GRM7: variants seen among roughly 807,000 people sequenced by gnomAD.
GRM7 encodes glutamate metabotropic receptor 7, also known as metabotropic glutamate receptor 7.
A neutral mutation model predicts 84.5 loss-of-function variants in GRM7; 35 were observed. The ratio of observed to expected loss-of-function variants is 0.41; its 90% CI spans 0.32 to 0.55. The LOEUF is 0.55. GRM7 is among the 20% of genes least tolerant of loss of function. The pLI, the probability that GRM7 is intolerant of heterozygous loss-of-function variation, is 0.19. For synonymous variants in GRM7, 487 were observed against 455.1 expected (o/e 1.07, Z -0.89); for missense variants, 1,003 against 1,194.6 (o/e 0.84, Z 2.36).
chr3:7,675,092 T>C (rs1385590992), intron 8 of GRM7, among the ~76,000 whole-genome samples: 1 of 152,250 alleles, frequency 6.6e-6, no homozygotes, highest in African/African-American at 2.4e-5. Context: ...GATTCATTAG[T>C]ATTCATATAT....
At chr3:7,167,592 G>C (rs1315778543) in intron 2 of GRM7, among the ~76,000 whole-genome samples, 1 of 152,054 alleles carries the variant, frequency 6.6e-6, no homozygotes, top group Non-Finnish European at 1.5e-5. Context: ...TTTAGCAATG[G>C]GTCCTTCGGA....
At chr3:7,553,109 C>T (rs563559295) in intron 7 of GRM7, among the ~76,000 whole-genome samples, 6 of 152,128 alleles carry the variant, frequency 3.9e-5, no homozygotes, top group East Asian at 1.9e-4. Flanking sequence ...TTTCTTCTTC[C>T]GGATACTCTA....
intron 8 of GRM7, among the ~76,000 whole-genome samples, chr3:7,630,153 A>C (rs962968361): frequency 5.3e-5 from 8 of 152,224 alleles, no homozygotes; most frequent in Non-Finnish European, 1.0e-4. Context: ...TCAGATGACA[A>C]GAATGATTTC....
At chr3:7,391,770 A>G (rs1044205522) in intron 4 of GRM7, among the ~76,000 whole-genome samples, 2 of 132,078 alleles carry the variant, frequency 1.5e-5, no homozygotes, top group African/African-American at 2.5e-5. Flanking sequence ...CATGGAAAAA[A>G]AACAAGAGCT....
chr3:7,253,595 C>A (rs1698086507), intron 2 of GRM7, among the ~76,000 whole-genome samples: 1 of 131,960 alleles, frequency 7.6e-6, no homozygotes, highest in Non-Finnish European at 1.6e-5. Context: ...CCAGCCCAGG[C>A]AACAAGAGTG....
chr3:7,480,714 G>A (rs993367363), intron 7 of GRM7, among the ~76,000 whole-genome samples: 2 of 152,120 alleles, frequency 1.3e-5, no homozygotes, highest in Non-Finnish European at 2.9e-5. Context: ...GTTTAATGTA[G>A]GGCTTCAAGC....
intron 1 of GRM7, among the ~76,000 whole-genome samples, chr3:7,002,854 A>G (rs751576496): frequency 1.3e-5 from 2 of 152,188 alleles, no homozygotes; most frequent in Non-Finnish European, 2.9e-5. Flanking sequence ...TTATCAACAG[A>G]TAAGTAGATA....
intron 2 of GRM7, among the ~76,000 whole-genome samples, chr3:7,169,208 A>T (rs28502528): frequency 1.3e-5 from 2 of 151,494 alleles, no homozygotes; most frequent in Admixed American, 6.6e-5. Flanking sequence ...TTTTTTTTTG[A>T]ATTTTTCATC....
intron 8 of GRM7, among the ~76,000 whole-genome samples, chr3:7,612,348 AC>A (rs1696885726): frequency 6.6e-6 from 1 of 152,120 alleles, no homozygotes; most frequent in African/African-American, 2.4e-5. Flanking sequence ...AGTGCTTAAA[AC>A]CACTGGACAA....
intron 2 of GRM7, among the ~76,000 whole-genome samples, chr3:7,252,144 G>C (rs779934578): frequency 3.4e-4 from 51 of 152,080 alleles, no homozygotes; most frequent in Non-Finnish European, 6.3e-4. Context: ...GCGAAAGAGG[G>C]AGGAGAAGAT....
At chr3:7,408,735 G>A (rs1695789243) in intron 4 of GRM7, among the ~76,000 whole-genome samples, 2 of 152,182 alleles carry the variant, frequency 1.3e-5, no homozygotes, top group African/African-American at 4.8e-5. Flanking sequence ...TCCTGAGAGC[G>A]CAGCACATGG....
intron 1 of GRM7, among the ~76,000 whole-genome samples, chr3:6,947,892 G>A (rs1009086600): frequency 1.3e-5 from 2 of 152,064 alleles, no homozygotes; most frequent in African/African-American, 4.8e-5. Context: ...TGTGAGATTG[G>A]TGGTGATATC....
At chr3:7,713,124 GTTTTTTTTTTTTTTTT>G (rs5846535) in intron 9 of GRM7, among the ~76,000 whole-genome samples, 1 of 97,124 alleles carries the variant, frequency 1.0e-5, no homozygotes, top group South Asian at 3.2e-4. Flanking sequence ...ATTTTGTTTT[GTTTTTTTTTTTTTTTT>G]TTTTTTTTTT....
At chr3:7,383,573 G>A (rs1169081722) in intron 4 of GRM7, among the ~76,000 whole-genome samples, 1 of 152,036 alleles carries the variant, frequency 6.6e-6, no homozygotes, top group African/African-American at 2.4e-5. Context: ...CAGATAAGAT[G>A]CCCTAAAGAC....
At chr3:7,010,715 A>G (rs757264986) in intron 1 of GRM7, among the ~76,000 whole-genome samples, 4 of 152,158 alleles carry the variant, frequency 2.6e-5, no homozygotes, top group Non-Finnish European at 4.4e-5. Flanking sequence ...TGTTCAGAGG[A>G]GGCCGATGAG....
At position 7,080,841 on chromosome 3, in the gene GRM7, C is replaced by T. The variant is rs151305618; in HGVS notation, c.520-65611C>T. Among the ~76,000 whole-genome samples, 463 of 152,080 alleles carry T rather than the reference C, an allele frequency of 3.0e-3. 2 individuals are homozygous for T. The highest frequency in any genetic ancestry group is 0.01 in the African/African-American group (429 of 41,528). On this transcript the variant is annotated intron_variant, in intron 1 of 9. Transcript: ENST00000357716. ...GGACTTTTTAAAAAAATCATTCTTGCGTGTCCTATACTTAGATAAGGCCTG... is the reference window on the plus strand; with the variant it reads ...GGACTTTTTAAAAAAATCATTCTTGTGTGTCCTATACTTAGATAAGGCCTG...
intron 2 of GRM7, among the ~76,000 whole-genome samples, chr3:7,157,639 T>C (rs1248097648): frequency 6.6e-6 from 1 of 152,142 alleles, no homozygotes; most frequent in African/African-American, 2.4e-5. Context: ...TGTGATATGG[T>C]TAAGAGTTTT....
intron 4 of GRM7, among the ~76,000 whole-genome samples, chr3:7,355,142 G>T (rs1693335310): frequency 6.6e-6 from 1 of 152,116 alleles, no homozygotes; most frequent in African/African-American, 2.4e-5. Context: ...CAAATTTCTA[G>T]GAGTCCAGGT....
chr3:7,656,356 CAT>C (rs1699177745), intron 8 of GRM7, among the ~76,000 whole-genome samples: 1 of 151,886 alleles, frequency 6.6e-6, no homozygotes, highest in Admixed American at 6.6e-5. Context: ...ATTAGCCGGG[CAT>C]GGTGGCGTGC....
Sources: allele counts gnomAD v4.1 joint callset (sites outside exome capture counted in the v4.1 genomes callset), GRCh38; gene constraint gnomAD v4.1.1; transcripts MANE v1.5; gene names NCBI Gene and HGNC (gene_info 2026-07-23, HGNC 2026-07-21).